ARHGEF7: variants seen among roughly 807,000 people sequenced by gnomAD.
ARHGEF7 encodes the protein PAK-interacting exchange factor beta.
In ARHGEF7, 33 loss-of-function variants were observed where a neutral mutation model predicts 109.8. The observed-to-expected ratio is 0.30, with a 90% CI of 0.23 to 0.40. ARHGEF7 has a LOEUF of 0.40. ARHGEF7 is among the 10% of genes least tolerant of loss of function. ARHGEF7 has a pLI of 1.00. For synonymous variants in ARHGEF7, 458 were observed against 424.6 expected, an observed-to-expected ratio of 1.08 and a Z score of -0.97; for missense variants, 938 against 1,098.5, an observed-to-expected ratio of 0.85 and a Z score of 2.07.
chr13:111,167,091 GGTTT>G (rs2077190755), intron 2 of ARHGEF7, among the ~76,000 whole-genome samples: 2 of 152,144 alleles, frequency 1.3e-5, no homozygotes, highest in African/African-American at 2.4e-5. Flanking sequence ...GTAAACGGTT[GGTTT>G]GTTCTTGGGT....
At chr13:111,195,923 C>T (rs1467309812) in intron 2 of ARHGEF7, among the ~76,000 whole-genome samples, 1 of 152,076 alleles carries the variant, frequency 6.6e-6, no homozygotes, top group Non-Finnish European at 1.5e-5. Context: ...CCTCTTGGTC[C>T]CTATTATAGA....
intron 2 of ARHGEF7, among the ~76,000 whole-genome samples, chr13:111,199,830 C>G (rs1355694816): frequency 2.6e-5 from 4 of 152,162 alleles, no homozygotes; most frequent in Non-Finnish European, 4.4e-5. Context: ...AACAATCAGC[C>G]TGGGCCTAGA....
chr13:111,187,066 G>A, intron 2 of ARHGEF7: 2 of 965,332 alleles, frequency 2.1e-6, no homozygotes, highest in Non-Finnish European at 2.5e-6. Context: ...GAAAGCAGTT[G>A]GGCTGGAATA....
chr13:111,119,521 A>G (rs142740509), intron 1 of ARHGEF7, among the ~76,000 whole-genome samples: 3 of 152,322 alleles, frequency 2.0e-5, no homozygotes, highest in East Asian at 1.9e-4. Flanking sequence ...GGAAGTCAAG[A>G]GTCGTAATGT....
chr13:111,176,649 C>T (rs565992213), intron 2 of ARHGEF7, among the ~76,000 whole-genome samples: 5 of 152,344 alleles, frequency 3.3e-5, no homozygotes, highest in African/African-American at 9.6e-5. Context: ...GGGACCCCCG[C>T]GTGCGGACGT....
intron 2 of ARHGEF7, among the ~76,000 whole-genome samples, chr13:111,168,848 G>A (rs750326178): frequency 5.9e-5 from 9 of 152,234 alleles, no homozygotes; most frequent in Non-Finnish European, 1.0e-4. Flanking sequence ...CTGATCGCCA[G>A]TGAAGTGTTT....
chr13:111,148,025 C>G (rs2075700553), intron 1 of ARHGEF7, among the ~76,000 whole-genome samples: 1 of 152,220 alleles, frequency 6.6e-6, no homozygotes, highest in African/African-American at 2.4e-5. Flanking sequence ...GGTTAAGCCT[C>G]TAGCCCTGCC....
intron 19 of ARHGEF7, 137 bp from the exon 20 acceptor site, chr13:111,300,611 G>C: frequency 1.7e-6 from 1 of 576,580 alleles, no homozygotes; most frequent in East Asian, 3.3e-5. Context: ...CCCTCCTCTA[G>C]CTTGCCTGGA....
Position 111,273,871 on chromosome 13 carries a change from G to C in ARHGEF7, c.1131G>C (p.Val377=). Residue 377 remains valine (V), a synonymous_variant, in exon 10 of 22, where the codon GTG becomes GTC. Coordinates refer to ENST00000646102, the MANE Select transcript of ARHGEF7 (RefSeq NM_001354046.2). This position sits in a 1 kb window ranked among gnomAD's most constrained non-coding sequence, Gnocchi z 4.5. Reference sequence around the variant, plus strand: ...GTGCCAGCAGCCCTGGGATTCTCGTGCTGACCACGGGCCTGAGCAAACCCT... The same window carrying C: ...GTGCCAGCAGCCCTGGGATTCTCGTCCTGACCACGGGCCTGAGCAAACCCT... ...TKGASSPGIL[V]LTTGLSKPFM... is the part of the protein sequence containing the mutation. 1 of 1,614,170 alleles carries C rather than the reference G, an allele frequency of 6.2e-7. No individual in the cohort carries two copies. Among genetic ancestry groups the C allele is most frequent in the Non-Finnish European group, 8.5e-7 (1 of 1,180,030 alleles).
chr13:111,265,249 C>T (rs536919941), intron 8 of ARHGEF7, among the ~76,000 whole-genome samples: 173 of 151,950 alleles, frequency 1.1e-3, no homozygotes, highest in African/African-American at 3.7e-3. Flanking sequence ...GCTTTTCTGT[C>T]TCCACAGCTA....
At chr13:111,151,415 G>C (rs1004373852) in intron 1 of ARHGEF7, among the ~76,000 whole-genome samples, 2 of 152,188 alleles carry the variant, frequency 1.3e-5, no homozygotes, top group African/African-American at 4.8e-5. Flanking sequence ...CTGACCTTGG[G>C]TAACATGGCT....
At chr13:111,160,813 G>C (rs532245532) in intron 2 of ARHGEF7, among the ~76,000 whole-genome samples, 1 of 152,238 alleles carries the variant, frequency 6.6e-6, no homozygotes, top group East Asian at 1.9e-4. Context: ...TCACCCTTCT[G>C]TCTCCTGCTG....
chr13:111,155,503 G>A (rs562229519), intron 2 of ARHGEF7, among the ~76,000 whole-genome samples: 12 of 152,300 alleles, frequency 7.9e-5, no homozygotes, highest in Admixed American at 5.9e-4. Context: ...AAGAAACTTA[G>A]GGCCTTTTCA....
intron 5 of ARHGEF7, among the ~76,000 whole-genome samples, chr13:111,223,153 G>A (rs999217242): frequency 6.6e-6 from 1 of 152,170 alleles, no homozygotes; most frequent in Non-Finnish European, 1.5e-5. Context: ...AGTCTTGTGG[G>A]TACCCCCGTG....
intron 8 of ARHGEF7, among the ~76,000 whole-genome samples, chr13:111,254,490 G>C (rs1244209571): frequency 1.3e-4 from 19 of 141,872 alleles, no homozygotes; most frequent in African/African-American, 4.4e-4. Context: ...GGCCTCAGAA[G>C]AGGATTCGGG....
intron 8 of ARHGEF7, among the ~76,000 whole-genome samples, chr13:111,263,568 C>A (rs2091319413): frequency 6.6e-6 from 1 of 152,190 alleles, no homozygotes; most frequent in South Asian, 2.1e-4. Context: ...AGAATTTAAC[C>A]CATTGTGGGT....
At chr13:111,263,049 C>G (rs1244659139) in intron 8 of ARHGEF7, among the ~76,000 whole-genome samples, 1 of 152,164 alleles carries the variant, frequency 6.6e-6, no homozygotes, top group East Asian at 1.9e-4. Context: ...GGGGAACATC[C>G]CCTCCTTTAA....
At chr13:111,159,724 T>A (rs2076603722) in intron 2 of ARHGEF7, among the ~76,000 whole-genome samples, 1 of 152,258 alleles carries the variant, frequency 6.6e-6, no homozygotes, top group Admixed American at 6.5e-5. Flanking sequence ...AATCAGGTTT[T>A]TTTTTGTTAC....
chr13:111,244,866 G>A (rs1341529067), intron 8 of ARHGEF7, among the ~76,000 whole-genome samples: 1 of 152,160 alleles, frequency 6.6e-6, no homozygotes, highest in African/African-American at 2.4e-5. Flanking sequence ...TTTTATTCTT[G>A]TAGCGTAAAA....
Sources: gnomAD v4.1 joint callset for allele counts (sites outside exome capture counted in the v4.1 genomes callset) on GRCh38, gnomAD v4.1.1 for gene constraint, Gnocchi (gnomAD v3.1) non-coding constraint, MANE v1.5 for transcripts, NCBI Gene and HGNC (gene_info 2026-07-23, HGNC 2026-07-21) for gene names.